ORC5: variants seen among roughly 807,000 people sequenced by gnomAD.
The protein encoded by ORC5 is origin recognition complex subunit 5.
ORC5 carries 39 observed loss-of-function variants against 58.8 expected under a neutral mutation model. The ratio of observed to expected loss-of-function variants is 0.66; its 90% CI spans 0.51 to 0.87. The LOEUF (loss-of-function observed/expected upper bound fraction) is 0.87, where lower values mean the gene tolerates loss of function less well. Ranked by LOEUF, ORC5 falls within the 40% of genes least tolerant of loss-of-function variation. ORC5 has a pLI of 0.00. For synonymous variants in ORC5, 218 were observed against 177.6 expected (o/e 1.23, Z -1.81); for missense variants, 493 against 506.3 (o/e 0.97, Z 0.25).
intron 8 of ORC5, among the ~76,000 whole-genome samples, chr7:104,178,374 G>A (rs10266337): frequency 0.057 from 8,643 of 152,234 alleles, 811 homozygotes; most frequent in African/African-American, 0.2. Flanking sequence ...TTTGAGAAGT[G>A]TCTGTTCATA....
chr7:104,200,152 A>G (rs1224244776), intron 3 of ORC5, among the ~76,000 whole-genome samples: 1 of 152,128 alleles, frequency 6.6e-6, no homozygotes, highest in East Asian at 1.9e-4. Context: ...TTCTTATCCA[A>G]TTCCAAAGAT....
intron 8 of ORC5, among the ~76,000 whole-genome samples, chr7:104,183,576 G>A (rs76740107): frequency 0.045 from 6,783 of 152,122 alleles, 501 homozygotes; most frequent in African/African-American, 0.15. Context: ...CAAAAGACAG[G>A]AAAAAACATA....
In ORC5 at chr7:104,200,028, C is replaced by G. The variant is rs1266577576; in HGVS notation, c.366+730G>C. ...TTCCTTCTACTTTGTGAAGCAGGTG[C>G]CTTGCTTCCCCTTTGCCTTCTGCTG... On this transcript the variant is annotated intron_variant, in intron 3 of 13. Transcript: ENST00000297431. 2.0e-5 allele frequency among the ~76,000 whole-genome samples: 3 copies of G among 152,116 alleles called. No individual in the cohort carries two copies. In the East Asian group the frequency reaches 5.8e-4, roughly 29 times the overall value.
At chr7:104,175,700 T>C (rs1053064723) in intron 8 of ORC5, among the ~76,000 whole-genome samples, 9 of 152,204 alleles carry the variant, frequency 5.9e-5, no homozygotes, top group African/African-American at 2.2e-4. Flanking sequence ...GGCATAAAAA[T>C]GGCTTTGTCT....
intron 13 of ORC5, among the ~76,000 whole-genome samples, chr7:104,131,490 A>G (rs1798511236): frequency 6.6e-6 from 1 of 152,140 alleles, no homozygotes; most frequent in South Asian, 2.1e-4. Context: ...CAGCATTTAA[A>G]TATGCTCAAA....
intron 8 of ORC5, among the ~76,000 whole-genome samples, chr7:104,177,280 G>A (rs1799341012): frequency 6.6e-6 from 1 of 152,222 alleles, no homozygotes; most frequent in South Asian, 2.1e-4. Context: ...AAAAAATACT[G>A]AAATATAAAT....
At position 104,173,838 on chromosome 7, in the gene ORC5, A is replaced by ATTTTTT. The variant is rs746698932; in HGVS notation, c.825-5319_825-5314dup. Among the ~76,000 whole-genome samples, 26 of 122,780 alleles carry ATTTTTT rather than the reference A, an allele frequency of 2.1e-4. 1 individual carries two copies. The highest frequency in any genetic ancestry group is 3.0e-4 in the Non-Finnish European group (17 of 56,814). 80.5% of individuals were successfully genotyped at this position (122,780 alleles called of 152,430 possible). On this transcript the variant is annotated intron_variant, in intron 8 of 13. Coordinates refer to ENST00000297431, the MANE Select transcript of ORC5 (RefSeq NM_002553.4). ...TTTAATCTGCATACCTGGGTTTAAA[A>ATTTTTT]TTTTTTCTTTTTTTTTTTTTTTTTG...
At chr7:104,201,636 A>G (rs1799945679) in intron 2 of ORC5, among the ~76,000 whole-genome samples, 1 of 151,802 alleles carries the variant, frequency 6.6e-6, no homozygotes, top group Admixed American at 6.6e-5. Flanking sequence ...TTAAAAAAAA[A>G]AAAAAAAGAA....
At chr7:104,199,022 T>C (rs964597926) in intron 3 of ORC5, among the ~76,000 whole-genome samples, 2 of 152,178 alleles carry the variant, frequency 1.3e-5, no homozygotes, top group African/African-American at 4.8e-5. Context: ...AATCAAGAAT[T>C]AACGTTTGGG....
At chr7:104,169,472 C>A (rs1410492281) in intron 8 of ORC5, among the ~76,000 whole-genome samples, 1 of 151,970 alleles carries the variant, frequency 6.6e-6, no homozygotes, top group Non-Finnish European at 1.5e-5. Flanking sequence ...TGCCCTACGA[C>A]AGTTTTAGCT....
At chr7:104,166,995 C>G (rs770493839) in intron 9 of ORC5, 111 bp from the exon 10 acceptor site, 1 of 617,464 alleles carries the variant, frequency 1.6e-6, no homozygotes, top group South Asian at 2.2e-5. Context: ...TCAAAATGAC[C>G]TATTTCCTTA....
At chr7:104,172,032 C>G (rs1028124901) in intron 8 of ORC5, among the ~76,000 whole-genome samples, 2 of 152,232 alleles carry the variant, frequency 1.3e-5, no homozygotes, top group Non-Finnish European at 2.9e-5. Context: ...TCCCAACAAT[C>G]TTCTCTTTTC....
At chr7:104,146,461 A>G (rs1798754035) in intron 12 of ORC5, among the ~76,000 whole-genome samples, 1 of 152,246 alleles carries the variant, frequency 6.6e-6, no homozygotes, top group African/African-American at 2.4e-5. Flanking sequence ...TGTATACCAC[A>G]GAATACTCCT....
chr7:104,191,587 AG>A (rs766120988), intron 5 of ORC5, among the ~76,000 whole-genome samples: 12 of 152,020 alleles, frequency 7.9e-5, no homozygotes, highest in Non-Finnish European at 1.6e-4. Flanking sequence ...TTATAAGAAT[AG>A]GAATCCTCAC....
chr7:104,173,953 T>C (rs1354622401), intron 8 of ORC5, among the ~76,000 whole-genome samples: 2 of 149,204 alleles, frequency 1.3e-5, no homozygotes, highest in East Asian at 3.9e-4. Flanking sequence ...CACGCCATTA[T>C]CCTGCCTCAG....
At chr7:104,206,431 C>A (rs1312402361) in intron 1 of ORC5, among the ~76,000 whole-genome samples, 2 of 152,226 alleles carry the variant, frequency 1.3e-5, no homozygotes, top group Admixed American at 6.5e-5. Context: ...TTACTCATCC[C>A]TATTTGCCAA....
intron 12 of ORC5, among the ~76,000 whole-genome samples, chr7:104,149,442 T>A (rs17159448): frequency 0.039 from 5,891 of 152,262 alleles, 239 homozygotes; most frequent in South Asian, 0.12. Context: ...CAAAGTCAAA[T>A]GAATAAAACT....
At chr7:104,165,140 T>C (rs1799085204) in intron 11 of ORC5, 95 bp downstream of exon 11, 2 of 657,300 alleles carry the variant, frequency 3.0e-6, no homozygotes, top group Non-Finnish European at 5.2e-6. Flanking sequence ...AATAAGTTCC[T>C]ATATTCAAAT....
chr7:104,131,395 A>G (rs1798510097), intron 13 of ORC5, among the ~76,000 whole-genome samples: 1 of 152,212 alleles, frequency 6.6e-6, no homozygotes, highest in Non-Finnish European at 1.5e-5. Context: ...CCATGCTTAT[A>G]TAACGTTTCA....
Sources: allele counts gnomAD v4.1 joint callset (sites outside exome capture counted in the v4.1 genomes callset), GRCh38; gene constraint gnomAD v4.1.1; transcripts MANE v1.5; gene names NCBI Gene and HGNC (gene_info 2026-07-23, HGNC 2026-07-21).